FBLN5: variants seen among roughly 807,000 people sequenced by gnomAD.
FBLN5 encodes fibulin 5, also known as fibulin-5.
Under a neutral mutation model 61.6 loss-of-function variants are expected in FBLN5, and 24 were observed. The ratio of observed to expected loss-of-function variants is 0.39; its 90% confidence interval spans 0.28 to 0.55. The LOEUF is 0.55. Ranked by LOEUF, FBLN5 falls within the 20% of genes least tolerant of loss-of-function variation. The pLI, the probability that FBLN5 is intolerant of heterozygous loss-of-function variation, is 0.65. For synonymous variants in FBLN5, 213 were observed against 219.8 expected, an observed-to-expected ratio of 0.97 and a Z score of 0.27; for missense variants, 470 against 594.1, an observed-to-expected ratio of 0.79 and a Z score of 2.17.
chr14:91,895,797 CAAAA>C (rs60216411), intron 4 of FBLN5, among the ~76,000 whole-genome samples: 13 of 63,500 alleles, frequency 2.0e-4, no homozygotes, highest in African/African-American at 8.4e-4. Context: ...GACCCTGTCT[CAAAA>C]AAAAAAAAAA....
chr14:91,882,751 C>T lies in FBLN5; in HGVS notation c.862+203G>A, dbSNP rs578052483. Among the ~76,000 whole-genome samples the T allele has an allele frequency of 4.6e-5, 7 of 152,290 alleles. No homozygotes were observed. In the South Asian group the frequency reaches 6.2e-4, roughly 14 times the overall value. ...AGTGGCCAATATCCTGGCCAAAGGACGGGTTACAGGGAAGGAAGACAACAG... is the reference window on the plus strand; with the variant it reads ...AGTGGCCAATATCCTGGCCAAAGGATGGGTTACAGGGAAGGAAGACAACAG... On this transcript the variant is annotated intron_variant, in intron 8 of 10. Transcript: ENST00000342058. The surrounding 1 kb of genome is among the most constrained non-coding windows in gnomAD (Gnocchi z 4.9).
intron 4 of FBLN5, among the ~76,000 whole-genome samples, chr14:91,929,379 G>A (rs191742765): frequency 7.1e-4 from 108 of 152,212 alleles, no homozygotes; most frequent in Non-Finnish European, 6.2e-4. Flanking sequence ...CAAAGTTAGT[G>A]GGGAAAAATA....
At chr14:91,934,633 C>T (rs953524943) in intron 4 of FBLN5, among the ~76,000 whole-genome samples, 1 of 152,210 alleles carries the variant, frequency 6.6e-6, no homozygotes, top group African/African-American at 2.4e-5. Context: ...TCCCAAGTCT[C>T]CCTGACTTAC....
At chr14:91,891,104 A>G (rs1298629255) in intron 6 of FBLN5, 117 bp downstream of exon 6, 1 of 757,946 alleles carries the variant, frequency 1.3e-6, no homozygotes, top group East Asian at 2.5e-5. Context: ...GGGCAGTGGC[A>G]AGGAATGGGA....
At chr14:91,891,612 T>C (rs1218490345) in intron 5 of FBLN5, among the ~76,000 whole-genome samples, 3 of 152,176 alleles carry the variant, frequency 2.0e-5, no homozygotes, top group South Asian at 2.1e-4. Flanking sequence ...TCTGCTTCGA[T>C]TGGGATGTTG....
intron 4 of FBLN5, among the ~76,000 whole-genome samples, chr14:91,904,192 G>A (rs1358139222): frequency 6.6e-6 from 1 of 152,134 alleles, no homozygotes; most frequent in Non-Finnish European, 1.5e-5. Flanking sequence ...CCCACACAGT[G>A]CCTGGCATAC....
At chr14:91,892,558 C>T (rs958486950) in intron 5 of FBLN5, among the ~76,000 whole-genome samples, 144 of 152,328 alleles carry the variant, frequency 9.5e-4, no homozygotes, top group African/African-American at 2.7e-3. Context: ...TAAGTCCCGG[C>T]TACTTCTAAC....
chr14:91,904,502 A>C (rs2498834), intron 4 of FBLN5, among the ~76,000 whole-genome samples: 112,516 of 152,180 alleles, frequency 0.74, 42,423 homozygotes, highest in Admixed American at 0.84. Context: ...GAAGTTCTAA[A>C]ATACTATGCG....
At chr14:91,896,816 G>A (rs1890245868) in intron 4 of FBLN5, among the ~76,000 whole-genome samples, 4 of 152,200 alleles carry the variant, frequency 2.6e-5, no homozygotes, top group South Asian at 4.1e-4. Context: ...ACTGCAGATT[G>A]CAGACTTGAT....
chr14:91,936,308 T>A (rs909388203), intron 4 of FBLN5, among the ~76,000 whole-genome samples: 7 of 152,250 alleles, frequency 4.6e-5, no homozygotes, highest in African/African-American at 1.4e-4. Context: ...GCAGTGACTA[T>A]TCACAGGCGC....
At chr14:91,932,238 G>A (rs186983293) in intron 4 of FBLN5, among the ~76,000 whole-genome samples, 5 of 152,310 alleles carry the variant, frequency 3.3e-5, no homozygotes, top group African/African-American at 7.2e-5. Context: ...TGCTTGGCTC[G>A]TGGACTATAA....
At chr14:91,887,354 G>C (rs768501431) in intron 6 of FBLN5, 42 bp from the exon 7 acceptor site, 1 of 1,605,556 alleles carries the variant, frequency 6.2e-7, no homozygotes, top group Non-Finnish European at 8.5e-7. Flanking sequence ...CCTCCCAACA[G>C]AACAGCCACA....
At chr14:91,874,260 C>T (rs1292440282) in intron 10 of FBLN5, 2 of 152,348 alleles carry the variant, frequency 1.3e-5, no homozygotes, top group Admixed American at 6.5e-5. Flanking sequence ...GGGTAGCATT[C>T]CCAAGCTCTC....
rs565699111 is a variant in FBLN5 at position 91,879,870 on chromosome 14, C to A, written c.989+1422G>T. Among the ~76,000 whole-genome samples the A allele has an allele frequency of 2.0e-5, 3 of 152,232 alleles. No homozygotes were observed. The South Asian group carries it at 6.2e-4, about 32-fold the overall frequency. ...GATGGGTGTGTCTGATTCATCCTTT[C>A]GTCTCCCATGCGGGGTTTGGTGTTG... is the stretch of plus-strand genomic sequence containing the variant. On this transcript the variant is annotated intron_variant, in intron 9 of 10. Coordinates refer to ENST00000342058, the MANE Select transcript of FBLN5 (RefSeq NM_006329.4).
Position 91,883,088 on chromosome 14 carries a change from A to G in FBLN5, c.740-12T>C, listed in dbSNP as rs374021762. On this transcript the variant is annotated splice_polypyrimidine_tract_variant and intron_variant, in intron 7 of 10. Coordinates refer to ENST00000342058, the MANE Select transcript of FBLN5 (RefSeq NM_006329.4). Reference sequence around the variant, plus strand: ...GCACTCGTCCATATCTGGGGTGACAAGTCACACCTGCTGTTTGTAATCCCA... The same window carrying G: ...GCACTCGTCCATATCTGGGGTGACAGGTCACACCTGCTGTTTGTAATCCCA... 6.2e-7 allele frequency: 1 copy of G among 1,613,492 alleles called. No individual in the cohort carries two copies. Among genetic ancestry groups the G allele is most frequent in the Non-Finnish European group, 8.5e-7 (1 of 1,179,598 alleles).
intron 4 of FBLN5, among the ~76,000 whole-genome samples, chr14:91,912,123 C>T (rs2140008804): frequency 6.6e-6 from 1 of 152,272 alleles, no homozygotes; most frequent in Non-Finnish European, 1.5e-5. Context: ...GCCATATTTC[C>T]TGAGATTTGC....
intron 6 of FBLN5, among the ~76,000 whole-genome samples, chr14:91,889,024 G>A (rs1889862403): frequency 6.6e-6 from 1 of 152,194 alleles, no homozygotes. Flanking sequence ...TCTTACAGGG[G>A]AGGCTAATCC....
chr14:91,902,641 T>G (rs1390375138), intron 4 of FBLN5, among the ~76,000 whole-genome samples: 1 of 152,208 alleles, frequency 6.6e-6, no homozygotes, highest in South Asian at 2.1e-4. Flanking sequence ...ATGTAGATTC[T>G]AATTCATTGG....
At chr14:91,937,300 T>C in intron 3 of FBLN5, 99 bp from the exon 4 acceptor site, 1 of 1,514,384 alleles carries the variant, frequency 6.6e-7, no homozygotes, top group Admixed American at 1.9e-5. Context: ...GAGGAAGCAC[T>C]CCCAAACACC....
Sources: gnomAD v4.1 joint callset for allele counts (sites outside exome capture counted in the v4.1 genomes callset) on GRCh38, gnomAD v4.1.1 for gene constraint, Gnocchi (gnomAD v3.1) non-coding constraint, MANE v1.5 for transcripts, NCBI Gene and HGNC (gene_info 2026-07-23, HGNC 2026-07-21) for gene names.